Variants in NALCN observed in about 807,000 individuals in gnomAD.
NALCN encodes the protein sodium leak channel, non-selective, also known as sodium leak channel NALCN.
In NALCN, 111 loss-of-function variants were observed where a neutral mutation model predicts 225.3. That is an observed-to-expected ratio of 0.49 (90% confidence interval 0.42 to 0.58). The LOEUF (loss-of-function observed/expected upper bound fraction) is 0.58, where lower values mean the gene tolerates loss of function less well. Ranked by LOEUF, NALCN falls within the 20% of genes least tolerant of loss-of-function variation. The probability of loss-of-function intolerance (pLI) is 0.00; values close to 1 mark genes in which losing one functional copy is unlikely to be tolerated. For missense variants in NALCN, 1,378 were observed against 2,202.4 expected, an observed-to-expected ratio of 0.63 and a Z score of 7.49; for synonymous variants, 764 against 769.0, an observed-to-expected ratio of 0.99 and a Z score of 0.11.
At chr13:101,351,963 A>G (rs886689355) in intron 6 of NALCN, among the ~76,000 whole-genome samples, 1 of 152,212 alleles carries the variant, frequency 6.6e-6, no homozygotes, top group African/African-American at 2.4e-5. Context: ...GCCTTCTGTA[A>G]TCACTGTCAT....
chr13:101,137,021 T>C (rs1032265957), intron 17 of NALCN, among the ~76,000 whole-genome samples: 4 of 152,224 alleles, frequency 2.6e-5, no homozygotes, highest in Non-Finnish European at 5.9e-5. Flanking sequence ...GGTATCTCAT[T>C]GTGGCTTTGA....
chr13:101,137,462 G>T (rs2036857562), intron 17 of NALCN, among the ~76,000 whole-genome samples: 1 of 151,846 alleles, frequency 6.6e-6, no homozygotes, highest in Non-Finnish European at 1.5e-5. Context: ...GCTATGTGAG[G>T]AGTTACAAGA....
chr13:101,170,390 C>T (rs1048896549), intron 15 of NALCN, among the ~76,000 whole-genome samples: 6 of 152,136 alleles, frequency 3.9e-5, no homozygotes, highest in African/African-American at 9.7e-5. Context: ...AGTGGTTTAA[C>T]GACATTGGGG....
chr13:101,366,421 C>G (rs1196423131), intron 6 of NALCN, among the ~76,000 whole-genome samples: 1 of 152,092 alleles, frequency 6.6e-6, no homozygotes, highest in Non-Finnish European at 1.5e-5. Flanking sequence ...ATGCAAGTTT[C>G]TGGTCTGAAA....
chr13:101,232,451 T>TC (rs985121094), intron 12 of NALCN, among the ~76,000 whole-genome samples: 12 of 73,164 alleles, frequency 1.6e-4, no homozygotes, highest in Non-Finnish European at 3.4e-4. Flanking sequence ...TTTTCTTTTC[T>TC]TTTTTTTTTT....
chr13:101,074,799 T>C, intron 35 of NALCN, 137 bp from the exon 36 acceptor site: 3 of 1,040,294 alleles, frequency 2.9e-6, no homozygotes, highest in Non-Finnish European at 2.6e-6. Flanking sequence ...TTTAAGCAGA[T>C]TGGCTCAAAA....
chr13:101,190,371 C>T (rs555309326), intron 14 of NALCN, among the ~76,000 whole-genome samples: 13 of 152,214 alleles, frequency 8.5e-5, no homozygotes, highest in East Asian at 1.9e-4. Flanking sequence ...CTTAGTTGAA[C>T]GCATAAATGA....
chr13:101,352,491 A>G (rs12870621), intron 6 of NALCN, among the ~76,000 whole-genome samples: 75 of 152,152 alleles, frequency 4.9e-4, no homozygotes, highest in African/African-American at 1.7e-3. Flanking sequence ...AAAGAGAGAG[A>G]CCTTTTCACC....
chr13:101,299,426 TTTTGTTTGTTTG>T (rs145178011), intron 7 of NALCN, among the ~76,000 whole-genome samples: 4 of 151,622 alleles, frequency 2.6e-5, no homozygotes, highest in Non-Finnish European at 4.4e-5. Context: ...ACAGGGTTTT[TTTTGTTTGTTTG>T]TTTGTTTGTT....
At chr13:101,179,215 C>G (rs576683443) in intron 14 of NALCN, among the ~76,000 whole-genome samples, 1 of 152,162 alleles carries the variant, frequency 6.6e-6, no homozygotes, top group South Asian at 2.1e-4. Context: ...ACAGGCTGTG[C>G]CAGCTATGAG....
intron 41 of NALCN, among the ~76,000 whole-genome samples, chr13:101,061,632 C>G (rs893112209): frequency 2.0e-5 from 3 of 152,134 alleles, no homozygotes; most frequent in Non-Finnish European, 4.4e-5. Context: ...TGAGCTCCCC[C>G]CTTGACCTCT....
At chr13:101,146,871 C>T (rs1185989093) in intron 15 of NALCN, among the ~76,000 whole-genome samples, 1 of 152,034 alleles carries the variant, frequency 6.6e-6, no homozygotes, top group Admixed American at 6.6e-5. Flanking sequence ...AATAGAATGG[C>T]CACTCTGGCA....
chr13:101,072,057 T>G (rs2032929410), intron 37 of NALCN, among the ~76,000 whole-genome samples: 1 of 152,112 alleles, frequency 6.6e-6, no homozygotes, highest in African/African-American at 2.4e-5. Flanking sequence ...TCCATCTTAT[T>G]GAGCATGGTT....
chr13:101,060,273 C>CTTTTTT (rs1566768228), intron 41 of NALCN, among the ~76,000 whole-genome samples: 3 of 49,328 alleles, frequency 6.1e-5, no homozygotes, highest in African/African-American at 2.3e-4. Flanking sequence ...TTGGTGTTTT[C>CTTTTTT]TGTTTTTTTT....
chr13:101,267,875 A>G (rs1418302419), intron 10 of NALCN, among the ~76,000 whole-genome samples: 2 of 152,190 alleles, frequency 1.3e-5, no homozygotes, highest in African/African-American at 4.8e-5. Flanking sequence ...GTGGTTTAGC[A>G]AAAGCTATTA....
At chr13:101,348,720 TA>T (rs1429999366) in intron 6 of NALCN, among the ~76,000 whole-genome samples, 2 of 152,144 alleles carry the variant, frequency 1.3e-5, no homozygotes, top group Non-Finnish European at 2.9e-5. Context: ...CACTAGATAT[TA>T]TTTTGAAGTC....
chr13:101,416,562 G>A (rs2047955724), upstream of NALCN: 1 of 152,142 alleles, frequency 6.6e-6, no homozygotes, highest in Admixed American at 6.5e-5. Context: ...GGAGTTTTCG[G>A]GCCTTTAAAA....
intron 27 of NALCN, among the ~76,000 whole-genome samples, chr13:101,097,380 A>G (rs2034568177): frequency 6.6e-6 from 1 of 152,146 alleles, no homozygotes; most frequent in African/African-American, 2.4e-5. Flanking sequence ...CTTTTTATGT[A>G]GAACATTATT....
At chr13:101,345,737 AAT>A (rs10560892) in intron 6 of NALCN, among the ~76,000 whole-genome samples, 13,820 of 86,390 alleles carry the variant, frequency 0.16, 1,313 homozygotes, top group Middle Eastern at 0.23. Flanking sequence ...CAGCAAAGAG[AAT>A]ATATATATAT....
Sources: allele counts gnomAD v4.1 joint callset (sites outside exome capture counted in the v4.1 genomes callset), GRCh38; gene constraint gnomAD v4.1.1; transcripts MANE v1.5; gene names NCBI Gene and HGNC (gene_info 2026-07-23, HGNC 2026-07-21).